Variants in CPOX observed in about 807,000 individuals in gnomAD.
CPOX encodes the protein coproporphyrinogen oxidase.
Under a neutral mutation model 48.9 loss-of-function variants are expected in CPOX, and 24 were observed. The observed-to-expected ratio is 0.49, with a 90% CI of 0.36 to 0.69. CPOX has a LOEUF of 0.69. CPOX is among the 30% of genes least tolerant of loss of function. The probability of loss-of-function intolerance (pLI) is 0.00; values close to 1 mark genes in which losing one functional copy is unlikely to be tolerated. For synonymous variants in CPOX, 249 were observed against 234.6 expected (o/e 1.06, Z -0.56); for missense variants, 549 against 597.3 (o/e 0.92, Z 0.84).
Position 98,592,953 on chromosome 3 carries a change from C to A in CPOX, c.552G>T (p.Lys184Asn). ...ANFSVDRWER[K>N]EGGGGISCVL... ...GCCAGGGGCCGGCCTCCTTACCTTCCTTCCTCTCCCACCGGTCCACAGAAA... is the reference window on the plus strand; with the variant it reads ...GCCAGGGGCCGGCCTCCTTACCTTCATTCCTCTCCCACCGGTCCACAGAAA... Residue 184 changes from lysine (K) to asparagine (N), a missense_variant, in exon 1 of 7, where the codon AAG becomes AAT. By Grantham distance (94) the Lys-to-Asn change is moderately conservative (BLOSUM62 0). This residue lies in a region of CPOX where 336 missense variants were observed against 318.1 expected (regional missense o/e 1.06). Transcript: ENST00000647941. 1 of 1,612,506 alleles carries A rather than the reference C, an allele frequency of 6.2e-7. No homozygotes were observed. Among genetic ancestry groups the A allele is most frequent in the Non-Finnish European group, 8.5e-7 (1 of 1,179,436 alleles).
At position 98,579,816 on chromosome 3, in the gene CPOX, T is replaced by C; in HGVS notation, c.*867A>G. On this transcript the variant is annotated 3_prime_UTR_variant, in exon 7 of 7. Coordinates refer to ENST00000647941, the MANE Select transcript of CPOX (RefSeq NM_000097.7). ...TATATACTTGCTTTAAAGAAGGAAA[T>C]TATTTCTCATTTCATTTTCCAAATG... 1 of 985,490 alleles carries C rather than the reference T, an allele frequency of 1.0e-6. No homozygotes were observed. Among genetic ancestry groups the C allele is most frequent in the Non-Finnish European group, 1.2e-6 (1 of 829,576 alleles). 61.0% of individuals were successfully genotyped at this position (985,490 alleles called of 1,614,324 possible). A position where few individuals can be genotyped will look rare whatever the true frequency, so the allele number is the denominator to read the frequency against.
rs766570395 is a variant in CPOX, at chr3:98,581,411, C to A, written c.1273G>T (p.Ala425Ser). The stretch of plus-strand genomic sequence containing the variant: ...TAAAATGAGTTATCTCCTTACCGGG[C>A]AGTTAGAGGTAAAGACATCAAGATA... ...ESILMSLPLT[A>S]RWEYMHSPSE... Residue 425 changes from alanine (A) to serine (S), a missense_variant, in exon 6 of 7, where the codon GCC becomes TCC. Around this residue, in one of 2 missense-constraint regions of CPOX, gnomAD observed 213 missense variants for 279.1 expected, o/e 0.76. Transcript: ENST00000647941. The A allele has an allele frequency of 5.6e-6, 9 of 1,609,344 alleles. No homozygotes were observed. The highest frequency in any genetic ancestry group is 1.7e-5 in the Admixed American group (1 of 59,968).
At chr3:98,584,776 C>G (rs986709207) in intron 5 of CPOX, among the ~76,000 whole-genome samples, 1 of 152,194 alleles carries the variant, frequency 6.6e-6, no homozygotes, top group Admixed American at 6.5e-5. Context: ...GCTCACCAGG[C>G]TCACTGCACA....
chr3:98,586,720 G>A (rs988927491), intron 4 of CPOX, among the ~76,000 whole-genome samples: 19 of 152,106 alleles, frequency 1.2e-4, no homozygotes, highest in African/African-American at 2.2e-4. Flanking sequence ...CGAGGCAGGC[G>A]GATCACGAGG....
intron 3 of CPOX, 131 bp from the exon 4 acceptor site, chr3:98,588,985 G>C: frequency 9.3e-7 from 1 of 1,079,828 alleles, no homozygotes; most frequent in Non-Finnish European, 1.4e-6. Flanking sequence ...AATTTTAACT[G>C]ATTTTAGCTC....
intron 5 of CPOX, 111 bp downstream of exon 5, chr3:98,585,330 G>A: frequency 1.2e-6 from 1 of 864,570 alleles, no homozygotes; most frequent in South Asian, 1.4e-5. Flanking sequence ...TCTATGAAAA[G>A]AAATTAACAC....
the CPOX span, among the ~76,000 whole-genome samples, chr3:98,571,471 G>A: frequency 1.3e-5 from 2 of 151,684 alleles, no homozygotes; most frequent in Non-Finnish European, 2.9e-5. Flanking sequence ...GGCGGATCAC[G>A]AGGTCAGGAG....
the CPOX span, among the ~76,000 whole-genome samples, chr3:98,573,473 G>T: frequency 6.6e-6 from 1 of 151,418 alleles, no homozygotes; most frequent in Non-Finnish European, 1.5e-5. Flanking sequence ...TTTCTGTCCT[G>T]TTCTCCACCT....
chr3:98,577,034 A>C (rs1467763908), downstream of CPOX, among the ~76,000 whole-genome samples: 1 of 152,106 alleles, frequency 6.6e-6, no homozygotes, highest in Non-Finnish European at 1.5e-5. Flanking sequence ...GATTGACTCC[A>C]AGGAAGGTTT....
At chr3:98,581,317 C>G in intron 6 of CPOX, 90 bp downstream of exon 6, 1 of 938,410 alleles carries the variant, frequency 1.1e-6, no homozygotes. Context: ...AAGACCTAGG[C>G]ACAACATCTG....
Position 98,588,848 on chromosome 3 carries a change from T to C in CPOX, c.818A>G (p.Lys273Arg), listed in dbSNP as rs1299263891. ...ACATCCACCACCAAACCACCACTGC[T>C]TGTTGCCTACCAAATCAAGACATGG... ...YFEVEEADGN[K>R]QWWFGGGCDL... is the part of the protein sequence containing the mutation. Residue 273 changes from lysine (K) to arginine (R), a missense_variant, in exon 4 of 7, where the codon AAG becomes AGG. Physicochemically the swap from Lys to Arg is conservative, Grantham distance 26. This residue lies in a region of CPOX where 213 missense variants were observed against 279.1 expected (regional missense o/e 0.76). Coordinates refer to ENST00000647941, the MANE Select transcript of CPOX (RefSeq NM_000097.7). 2 of 1,614,062 alleles carry C rather than the reference T, an allele frequency of 1.2e-6. No individual in the cohort carries two copies. Among genetic ancestry groups the C allele is most frequent in the African/African-American group, 1.3e-5 (1 of 74,940 alleles).
chr3:98,580,457 A>G lies in CPOX; in HGVS notation c.*226T>C. 1 of 1,373,086 alleles carries G rather than the reference A, an allele frequency of 7.3e-7. No homozygotes were observed. Among genetic ancestry groups the G allele is most frequent in the Non-Finnish European group, 9.4e-7 (1 of 1,061,472 alleles). The allele number at this position is 1,373,086 out of a possible 1,614,324, so 85.1% of individuals were successfully genotyped here. ...TTGTAAACTAGTCATATAAAATGACACTAGAAGTATAAATGAGGTTTAATC... is the reference window on the plus strand; with the variant it reads ...TTGTAAACTAGTCATATAAAATGACGCTAGAAGTATAAATGAGGTTTAATC... On this transcript the variant is annotated 3_prime_UTR_variant, in exon 7 of 7. Coordinates refer to ENST00000647941, the MANE Select transcript of CPOX (RefSeq NM_000097.7).
chr3:98,585,333 A>G, intron 5 of CPOX, 108 bp downstream of exon 5: 1 of 881,716 alleles, frequency 1.1e-6, no homozygotes, highest in South Asian at 1.4e-5. Context: ...ATGAAAAGAA[A>G]TTAACACAAC....
chr3:98,576,096 A>AAAAAC (rs1707159302), downstream of CPOX, among the ~76,000 whole-genome samples: 1 of 142,666 alleles, frequency 7.0e-6, no homozygotes, highest in Non-Finnish European at 1.5e-5. Context: ...AAAAAAAAAA[A>AAAAAC]AGCAACTTGT....
At chr3:98,576,785 A>G (rs979467495), downstream of CPOX, among the ~76,000 whole-genome samples, 1 of 152,192 alleles carries the variant, frequency 6.6e-6, no homozygotes, top group Non-Finnish European at 1.5e-5. Flanking sequence ...CTGTTTTCAC[A>G]GACTAGGAAT....
intron 6 of CPOX, 93 bp from the exon 7 acceptor site, chr3:98,580,863 T>TAA: frequency 5.1e-5 from 60 of 1,177,412 alleles, no homozygotes; most frequent in Non-Finnish European, 6.3e-5. Flanking sequence ...ATCCTAAGAA[T>TAA]AAAAAAAAAA....
chr3:98,571,574 G>C, the CPOX span, among the ~76,000 whole-genome samples: 1 of 149,858 alleles, frequency 6.7e-6, no homozygotes, highest in Admixed American at 6.6e-5. Flanking sequence ...TGTAGTCCCA[G>C]CTACTTGGGA....
intron 3 of CPOX, 73 bp downstream of exon 3, chr3:98,590,559 G>T: frequency 9.5e-7 from 1 of 1,053,468 alleles, no homozygotes; most frequent in Non-Finnish European, 1.5e-6. Context: ...GCTTTTAGAT[G>T]TTATGCCCTC....
At chr3:98,591,712 G>T (rs951861053) in intron 1 of CPOX, among the ~76,000 whole-genome samples, 3 of 152,026 alleles carry the variant, frequency 2.0e-5, no homozygotes, top group African/African-American at 7.2e-5. Flanking sequence ...TTTTCTTAAG[G>T]TATTAGGGTC....
Sources: allele counts gnomAD v4.1 joint callset (sites outside exome capture counted in the v4.1 genomes callset), GRCh38; gene constraint gnomAD v4.1.1; regional missense constraint gnomAD v4.1.1; transcripts MANE v1.5; gene names NCBI Gene and HGNC (gene_info 2026-07-23, HGNC 2026-07-21).